SLC5A4: variants seen among roughly 807,000 people sequenced by gnomAD.
The protein encoded by SLC5A4 is solute carrier family 5 member 4.
In SLC5A4, 55 loss-of-function variants were observed where a neutral mutation model predicts 70.3. The ratio of observed to expected loss-of-function variants is 0.78; its 90% CI spans 0.63 to 0.98. The LOEUF is 0.98. SLC5A4 is among the 50% of genes least tolerant of loss of function. SLC5A4 has a pLI of 0.00. For synonymous variants in SLC5A4, 268 were observed against 305.7 expected (o/e 0.88, Z 1.29); for missense variants, 735 against 839.2 (o/e 0.88, Z 1.53).
At chr22:32,338,594 G>C in the SLC5A4 span, among the ~76,000 whole-genome samples, 5 of 152,228 alleles carry the variant, frequency 3.3e-5, no homozygotes, top group Non-Finnish European at 7.3e-5. Flanking sequence ...GAACCTGGGA[G>C]GCAGAGAGAG....
At chr22:32,261,340 C>G in the SLC5A4 span, among the ~76,000 whole-genome samples, 2 of 152,216 alleles carry the variant, frequency 1.3e-5, no homozygotes, top group African/African-American at 4.8e-5. Context: ...GCCCCCTTCA[C>G]AGGCCCCTAC....
At position 32,239,582 on chromosome 22, in the gene SLC5A4, TTA is replaced by T. The variant is rs1437907303; in HGVS notation, c.478-494_478-493del. Among the ~76,000 whole-genome samples, 42 of 16,148 alleles carry T rather than the reference TTA, an allele frequency of 2.6e-3. 2 individuals carry two copies. The highest frequency in any genetic ancestry group is 0.013 in the African/African-American group (26 of 2,072). 10.6% of individuals were successfully genotyped at this position (16,148 alleles called of 152,430 possible). On this transcript the variant is annotated intron_variant, in intron 5 of 14. Transcript: ENST00000266086. ...TATATATATATATTTATATATATAT[TTA>T]TATATATATAAATTATATAAAATAT...
chr22:32,314,991 T>C, the SLC5A4 span, among the ~76,000 whole-genome samples: 5,447 of 152,300 alleles, frequency 0.036, 119 homozygotes, highest in Non-Finnish European at 0.055. Context: ...AGATGAGCTT[T>C]GGGTACAGCC....
chr22:32,345,438 T>C, the SLC5A4 span, among the ~76,000 whole-genome samples: 1 of 152,328 alleles, frequency 6.6e-6, no homozygotes, highest in Admixed American at 6.5e-5. Flanking sequence ...TCTGTTCAAT[T>C]GATTTCTTAA....
the SLC5A4 span, among the ~76,000 whole-genome samples, chr22:32,326,837 C>T: frequency 2.5e-3 from 375 of 152,230 alleles, 1 homozygote; most frequent in Non-Finnish European, 4.2e-3. Context: ...TCAGAGTCAG[C>T]GGAGGGGATG....
rs761145099 is a variant in SLC5A4, at chr22:32,224,431, T to A, written c.1501A>T (p.Ile501Leu). Residue 501 changes from isoleucine to leucine, a missense_variant, in exon 13 of 15, where the codon ATA becomes TTA. Transcript: ENST00000266086. ...VGLAMGLIRM[I>L]TEFAYGTGSC... ...CCTGTTCCATAAGCAAACTCTGTTA[T>A]CATACGAATGAGGCCCATTGCAAGT... 6.8e-6 allele frequency: 11 copies of A among 1,611,406 alleles called. No homozygotes were observed. In the Middle Eastern group the frequency reaches 9.9e-4, roughly 145 times the overall value.
the SLC5A4 span, among the ~76,000 whole-genome samples, chr22:32,305,303 C>CTTGCCTACGAGATGA: frequency 6.7e-6 from 1 of 150,204 alleles, no homozygotes; most frequent in Non-Finnish European, 1.5e-5. Flanking sequence ...TGACTGCTCC[C>CTTGCCTACGAGATGA]GGGCTTGTAG....
At chr22:32,224,743 C>T (rs1054450765) in intron 12 of SLC5A4, among the ~76,000 whole-genome samples, 1 of 152,294 alleles carries the variant, frequency 6.6e-6, no homozygotes, top group African/African-American at 2.4e-5. Context: ...TACACTGACC[C>T]AAGCTGAAGT....
At chr22:32,241,841 G>C (rs201372617) in intron 5 of SLC5A4, among the ~76,000 whole-genome samples, 1,261 of 104,226 alleles carry the variant, frequency 0.012, 19 homozygotes, top group African/African-American at 0.058. Flanking sequence ...ATATATATCT[G>C]TGTGTGTGTG....
the SLC5A4 span, among the ~76,000 whole-genome samples, chr22:32,328,565 C>A: frequency 6.6e-6 from 1 of 152,140 alleles, no homozygotes; most frequent in Non-Finnish European, 1.5e-5. Context: ...GAACCTACTA[C>A]CAGCCACCTG....
chr22:32,256,708 C>T (rs187072795), upstream of SLC5A4, among the ~76,000 whole-genome samples: 60 of 152,326 alleles, frequency 3.9e-4, no homozygotes, highest in East Asian at 0.01. Context: ...CTTAGTATGA[C>T]ATTTTCAAGG....
At chr22:32,290,247 C>T in the SLC5A4 span, among the ~76,000 whole-genome samples, 1 of 152,170 alleles carries the variant, frequency 6.6e-6, no homozygotes. Context: ...TCTCCCTCCC[C>T]TTGCCCCCAT....
chr22:32,269,521 GT>G, the SLC5A4 span: 2 of 604,792 alleles, frequency 3.3e-6, no homozygotes, highest in South Asian at 2.9e-5. This position sits in a 1 kb window ranked among gnomAD's most constrained non-coding sequence, Gnocchi z 4.1. Flanking sequence ...GGCAGGACAC[GT>G]GCTCCATCGT....
the SLC5A4 span, among the ~76,000 whole-genome samples, chr22:32,303,710 T>G: frequency 1.3e-5 from 2 of 152,252 alleles, no homozygotes; most frequent in African/African-American, 4.8e-5. Context: ...CACCTACAGA[T>G]GGACATCTTG....
At chr22:32,220,071 G>A (rs1376583661) in intron 14 of SLC5A4, among the ~76,000 whole-genome samples, 1 of 151,222 alleles carries the variant, frequency 6.6e-6, no homozygotes. Flanking sequence ...AGCCCTTATG[G>A]TATTATTGGC....
chr22:32,310,490 C>A, the SLC5A4 span, among the ~76,000 whole-genome samples: 1 of 141,882 alleles, frequency 7.0e-6, no homozygotes, highest in Non-Finnish European at 1.5e-5. Flanking sequence ...AGGCTGTGCA[C>A]CCCCTTATGG....
chr22:32,335,927 C>G, the SLC5A4 span, among the ~76,000 whole-genome samples: 1 of 152,218 alleles, frequency 6.6e-6, no homozygotes, highest in Non-Finnish European at 1.5e-5. Flanking sequence ...CCATCATTGT[C>G]ACGGGAGCCG....
the SLC5A4 span, among the ~76,000 whole-genome samples, chr22:32,292,444 T>A: frequency 6.7e-6 from 1 of 149,160 alleles, no homozygotes; most frequent in Non-Finnish European, 1.5e-5. Flanking sequence ...TGCTAGAAAA[T>A]CCCCATATGT....
the SLC5A4 span, among the ~76,000 whole-genome samples, chr22:32,318,542 C>T: frequency 6.6e-6 from 1 of 152,172 alleles, no homozygotes; most frequent in Non-Finnish European, 1.5e-5. Context: ...TCACACTCCA[C>T]ATCCAACCCA....
Sources: allele counts gnomAD v4.1 joint callset (sites outside exome capture counted in the v4.1 genomes callset), GRCh38; gene constraint gnomAD v4.1.1; non-coding constraint Gnocchi (gnomAD v3.1); transcripts MANE v1.5; gene names NCBI Gene and HGNC (gene_info 2026-07-23, HGNC 2026-07-21).